The following FNDC3A variants were observed in gnomAD, a reference collection of about 807,000 sequenced individuals.
The protein encoded by FNDC3A is fibronectin type-III domain-containing protein 3A.
Under a neutral mutation model 148.9 loss-of-function variants are expected in FNDC3A, and 32 were observed. The ratio of observed to expected loss-of-function variants is 0.21; its 90% CI spans 0.16 to 0.29. FNDC3A has a LOEUF of 0.29. Among genes scored for constraint, FNDC3A ranks in the 10% least tolerant of loss-of-function variants. FNDC3A has a pLI of 1.00. For missense variants in FNDC3A, 1,191 were observed against 1,452.8 expected (o/e 0.82, Z 2.93); for synonymous variants, 472 against 473.6 (o/e 1.00, Z 0.04).
intron 1 of FNDC3A, among the ~76,000 whole-genome samples, chr13:48,991,594 G>A (rs1951918544): frequency 6.6e-6 from 1 of 151,952 alleles, no homozygotes. Flanking sequence ...AGGCTGAGGT[G>A]GGAGGATTGC....
At chr13:49,083,742 C>T (rs538559385) in intron 3 of FNDC3A, among the ~76,000 whole-genome samples, 53 of 152,228 alleles carry the variant, frequency 3.5e-4, no homozygotes, top group Admixed American at 1.4e-3. Flanking sequence ...GATTTTGACA[C>T]GGGGAAGAAC....
chr13:49,000,078 C>G (rs920099752), intron 1 of FNDC3A, among the ~76,000 whole-genome samples: 1 of 152,122 alleles, frequency 6.6e-6, no homozygotes, highest in African/African-American at 2.4e-5. Context: ...ACAAAAGTTT[C>G]TAAGTTTGAT....
At chr13:49,049,048 T>G (rs1875631342) in intron 2 of FNDC3A, among the ~76,000 whole-genome samples, 1 of 152,230 alleles carries the variant, frequency 6.6e-6, no homozygotes, top group African/African-American at 2.4e-5. Context: ...TCAAATGCTT[T>G]TTTTGCATCT....
intron 3 of FNDC3A, among the ~76,000 whole-genome samples, chr13:49,106,390 G>A (rs1880174233): frequency 6.6e-6 from 1 of 152,036 alleles, no homozygotes; most frequent in Non-Finnish European, 1.5e-5. Flanking sequence ...ACAGCTCGCT[G>A]TTATCTCAGC....
At chr13:48,985,658 A>G (rs1158397165) in intron 1 of FNDC3A, among the ~76,000 whole-genome samples, 1 of 151,812 alleles carries the variant, frequency 6.6e-6, no homozygotes, top group African/African-American at 2.4e-5. Context: ...ATACACACAC[A>G]AAAAAAATAC....
chr13:49,002,914 A>G (rs1031837543), intron 1 of FNDC3A, among the ~76,000 whole-genome samples: 1 of 152,214 alleles, frequency 6.6e-6, no homozygotes, highest in Admixed American at 6.5e-5. Context: ...TAGCTGGATC[A>G]TAACTGGGTC....
At chr13:49,082,311 G>A (rs564292808) in intron 3 of FNDC3A, among the ~76,000 whole-genome samples, 58 of 152,084 alleles carry the variant, frequency 3.8e-4, no homozygotes, top group African/African-American at 1.2e-3. Context: ...ACTTGGACCC[G>A]GGAAGCAGAG....
At chr13:49,047,849 G>T (rs1175380129) in intron 2 of FNDC3A, among the ~76,000 whole-genome samples, 1 of 152,040 alleles carries the variant, frequency 6.6e-6, no homozygotes. Flanking sequence ...TTGGGTTCTT[G>T]GTCATGAAGT....
intron 8 of FNDC3A, chr13:49,146,760 C>G (rs1171701648): frequency 6.6e-6 from 1 of 152,086 alleles, no homozygotes; most frequent in Non-Finnish European, 1.5e-5. Context: ...AAGTATATTA[C>G]GCACCACGAA....
At chr13:49,113,618 A>G (rs1289467877) in intron 3 of FNDC3A, among the ~76,000 whole-genome samples, 1 of 152,090 alleles carries the variant, frequency 6.6e-6, no homozygotes, top group Admixed American at 6.5e-5. Context: ...GTAGATTATA[A>G]TTCTGCATAT....
chr13:48,997,311 C>T (rs558799933), intron 1 of FNDC3A, among the ~76,000 whole-genome samples: 5 of 152,014 alleles, frequency 3.3e-5, no homozygotes, highest in Admixed American at 6.6e-5. Context: ...GTGGAATTAA[C>T]GGATATGAAT....
At chr13:49,074,267 G>A (rs2137777388) in intron 2 of FNDC3A, among the ~76,000 whole-genome samples, 1 of 151,838 alleles carries the variant, frequency 6.6e-6, no homozygotes, top group Non-Finnish European at 1.5e-5. Context: ...CCCGAAAGTT[G>A]ATTGTGTCAT....
At chr13:49,024,377 AG>A (rs1873546934) in intron 2 of FNDC3A, among the ~76,000 whole-genome samples, 1 of 151,998 alleles carries the variant, frequency 6.6e-6, no homozygotes, top group Non-Finnish European at 1.5e-5. Flanking sequence ...CATTTCCATG[AG>A]GCAAACATAA....
intron 4 of FNDC3A, 140 bp from the exon 5 acceptor site, chr13:49,130,997 C>G (rs914967411): frequency 1.5e-6 from 1 of 655,116 alleles, no homozygotes; most frequent in Non-Finnish European, 2.7e-6. Context: ...AACTCCTGAC[C>G]CTAGGTAATC....
intron 19 of FNDC3A, 63 bp from the exon 20 acceptor site, chr13:49,196,814 C>A: frequency 1.2e-6 from 1 of 807,302 alleles, no homozygotes; most frequent in Non-Finnish European, 2.1e-6. Context: ...ATATGCAGTT[C>A]TGTGCAATCA....
intron 8 of FNDC3A, among the ~76,000 whole-genome samples, chr13:49,150,219 G>A (rs1053380636): frequency 6.6e-6 from 1 of 152,060 alleles, no homozygotes; most frequent in Non-Finnish European, 1.5e-5. Context: ...GACTGTAGGT[G>A]TGCACCACTG....
intron 2 of FNDC3A, among the ~76,000 whole-genome samples, chr13:49,018,304 TTTA>T (rs1872990500): frequency 6.6e-6 from 1 of 152,204 alleles, no homozygotes; most frequent in South Asian, 2.1e-4. Flanking sequence ...TTCGTTTCTT[TTTA>T]TTCTTTTTTC....
At chr13:49,020,835 A>G (rs1873268946) in intron 2 of FNDC3A, among the ~76,000 whole-genome samples, 2 of 152,242 alleles carry the variant, frequency 1.3e-5, no homozygotes. Context: ...TTACTAGGTT[A>G]AGTAACATAG....
At chr13:49,063,697 T>C (rs1877056457) in intron 2 of FNDC3A, among the ~76,000 whole-genome samples, 1 of 152,190 alleles carries the variant, frequency 6.6e-6, no homozygotes, top group African/African-American at 2.4e-5. Context: ...CAATTGCCCC[T>C]GGGCATGGGT....
Sources: gnomAD v4.1 joint callset for allele counts (sites outside exome capture counted in the v4.1 genomes callset) on GRCh38, gnomAD v4.1.1 for gene constraint, MANE v1.5 for transcripts, NCBI Gene and HGNC (gene_info 2026-07-23, HGNC 2026-07-21) for gene names.